The following DNAH11 variants were observed in gnomAD, a reference collection of about 807,000 sequenced individuals.
DNAH11 encodes axonemal beta dynein heavy chain 11.
DNAH11 carries 442 observed loss-of-function variants against 526.0 expected under a neutral mutation model. That is an observed-to-expected ratio of 0.84 (90% confidence interval 0.78 to 0.91). DNAH11 has a LOEUF of 0.91. Ranked by LOEUF, DNAH11 falls within the 40% of genes least tolerant of loss-of-function variation. The pLI, the probability that DNAH11 is intolerant of heterozygous loss-of-function variation, is 0.00. For missense variants in DNAH11, 6,989 were observed against 5,448.7 expected, an observed-to-expected ratio of 1.28 and a Z score of -8.90; for synonymous variants, 2,461 against 1,935.9, an observed-to-expected ratio of 1.27 and a Z score of -7.12.
chr7:21,857,340 C>T (rs1293636406), intron 68 of DNAH11, among the ~76,000 whole-genome samples: 1 of 152,064 alleles, frequency 6.6e-6, no homozygotes, highest in Admixed American at 6.6e-5. Flanking sequence ...AATAGATACA[C>T]CATGTTCATC....
intron 25 of DNAH11, among the ~76,000 whole-genome samples, chr7:21,631,032 G>C (rs997516410): frequency 6.6e-6 from 1 of 152,182 alleles, no homozygotes; most frequent in African/African-American, 2.4e-5. Flanking sequence ...AAAGAAAGAG[G>C]TTTATTGGAC....
At chr7:21,897,698 C>G (rs918121533) in intron 79 of DNAH11, among the ~76,000 whole-genome samples, 1 of 152,198 alleles carries the variant, frequency 6.6e-6, no homozygotes, top group African/African-American at 2.4e-5. Flanking sequence ...TCACTGCAAC[C>G]TCTGCCTCTT....
chr7:21,633,940 A>G (rs561795964), intron 25 of DNAH11, among the ~76,000 whole-genome samples: 2 of 152,350 alleles, frequency 1.3e-5, no homozygotes, highest in African/African-American at 2.4e-5. Flanking sequence ...TCCTTGGACT[A>G]TAGATTTTCT....
intron 45 of DNAH11, among the ~76,000 whole-genome samples, chr7:21,728,382 C>G (rs1215175868): frequency 6.6e-6 from 1 of 150,530 alleles, no homozygotes; most frequent in Non-Finnish European, 1.5e-5. Flanking sequence ...CTCAGCCTCC[C>G]GAGTAGATGG....
intron 5 of DNAH11, among the ~76,000 whole-genome samples, chr7:21,563,519 T>C (rs930049549): frequency 1.3e-4 from 20 of 152,122 alleles, no homozygotes; most frequent in Non-Finnish European, 2.2e-4. Flanking sequence ...AAAAAAAATA[T>C]TTACCATGCT....
At chr7:21,804,790 G>A (rs1394011591) in intron 62 of DNAH11, among the ~76,000 whole-genome samples, 3 of 152,108 alleles carry the variant, frequency 2.0e-5, no homozygotes, top group Non-Finnish European at 4.4e-5. Flanking sequence ...TTCCCTCATT[G>A]TAGCTGGGTG....
chr7:21,655,736 A>T, intron 28 of DNAH11, 96 bp from the exon 29 acceptor site: 1 of 1,267,732 alleles, frequency 7.9e-7, no homozygotes, highest in Non-Finnish European at 1.1e-6. Flanking sequence ...CTCTAACTCC[A>T]TAACGTTTCA....
chr7:21,782,039 G>A (rs555399342), intron 57 of DNAH11, among the ~76,000 whole-genome samples: 1 of 152,288 alleles, frequency 6.6e-6, no homozygotes, highest in Non-Finnish European at 1.5e-5. Context: ...TAAAGGCCCT[G>A]TCTCCAGATA....
chr7:21,601,547 C>G lies in DNAH11; in HGVS notation c.3577C>G (p.Leu1193Val). Residue 1193 changes from leucine to valine, a missense_variant, in exon 18 of 82, where the codon CTA (leucine) becomes GTA (valine). Coordinates refer to ENST00000409508, the MANE Select transcript of DNAH11 (RefSeq NM_001277115.2). ...AGCTACTGATGAACTCTTTGAACCT[C>G]TAAAAGAAACGATCACCCTCTTGGA... ...QRATDELFEP[L>V]KETITLLESY... 1 of 1,611,892 alleles carries G rather than the reference C, an allele frequency of 6.2e-7. No homozygotes were observed. The highest frequency in any genetic ancestry group is 8.5e-7 in the Non-Finnish European group (1 of 1,178,518).
At chr7:21,793,844 T>G (rs1025637750) in intron 61 of DNAH11, among the ~76,000 whole-genome samples, 1 of 152,190 alleles carries the variant, frequency 6.6e-6, no homozygotes, top group African/African-American at 2.4e-5. Flanking sequence ...TATACTTCTT[T>G]CTTTGAACAA....
chr7:21,743,120 A>G (rs537476510), intron 49 of DNAH11, among the ~76,000 whole-genome samples: 28 of 152,360 alleles, frequency 1.8e-4, no homozygotes, highest in African/African-American at 6.7e-4. Flanking sequence ...GTTTCAAGAC[A>G]TGAATTGTAG....
intron 62 of DNAH11, among the ~76,000 whole-genome samples, chr7:21,802,463 A>T (rs1202369349): frequency 6.6e-6 from 1 of 152,226 alleles, no homozygotes; most frequent in Non-Finnish European, 1.5e-5. Context: ...TCATCTACTC[A>T]TAGGTATATA....
intron 75 of DNAH11, among the ~76,000 whole-genome samples, chr7:21,883,197 A>T (rs537052316): frequency 2.0e-5 from 3 of 152,260 alleles, no homozygotes; most frequent in Non-Finnish European, 4.4e-5. Context: ...GTTCTGTCAC[A>T]TCACGCAACA....
intron 69 of DNAH11, among the ~76,000 whole-genome samples, 165 bp downstream of exon 69, chr7:21,862,188 A>G (rs1185460441): frequency 6.6e-6 from 1 of 150,848 alleles, no homozygotes; most frequent in African/African-American, 2.4e-5. Flanking sequence ...GAACTTGGGC[A>G]TGTGACAGCC....
intron 42 of DNAH11, 25 bp from the exon 43 acceptor site, chr7:21,717,750 A>G: frequency 1.2e-6 from 2 of 1,613,046 alleles, no homozygotes; most frequent in South Asian, 2.2e-5. Context: ...GTGTTCAATA[A>G]AAGCTTTTCT....
At chr7:21,587,994 G>T in intron 9 of DNAH11, 70 bp from the exon 10 acceptor site, 1 of 1,462,874 alleles carries the variant, frequency 6.8e-7, no homozygotes, top group Non-Finnish European at 9.3e-7. Context: ...GTTTGAAGGG[G>T]AACATTATGA....
chr7:21,637,516 A>G, intron 26 of DNAH11, 95 bp from the exon 27 acceptor site: 1 of 893,572 alleles, frequency 1.1e-6, no homozygotes, highest in Non-Finnish European at 1.8e-6. Context: ...TTGCCTCTTC[A>G]TTCTTTGTTC....
intron 5 of DNAH11, among the ~76,000 whole-genome samples, chr7:21,561,792 T>C (rs1783469224): frequency 6.6e-6 from 1 of 152,256 alleles, no homozygotes; most frequent in Non-Finnish European, 1.5e-5. Context: ...CATGTTTCTT[T>C]GCACATGTAT....
chr7:21,799,070 A>T (rs1156305196), intron 61 of DNAH11, among the ~76,000 whole-genome samples: 1 of 152,152 alleles, frequency 6.6e-6, no homozygotes, highest in Non-Finnish European at 1.5e-5. Context: ...ACTGTCCTAG[A>T]TATTATTCTA....
Sources: allele counts gnomAD v4.1 joint callset (sites outside exome capture counted in the v4.1 genomes callset), GRCh38; gene constraint gnomAD v4.1.1; transcripts MANE v1.5; gene names NCBI Gene and HGNC (gene_info 2026-07-23, HGNC 2026-07-21).